CNKSR3: variants seen among roughly 807,000 people sequenced by gnomAD.
The protein encoded by CNKSR3 is CNKSR family member 3.
Under a neutral mutation model 67.7 loss-of-function variants are expected in CNKSR3, and 36 were observed. That is an observed-to-expected ratio of 0.53 (90% confidence interval 0.41 to 0.70). The LOEUF (loss-of-function observed/expected upper bound fraction) is 0.70. Ranked by LOEUF, CNKSR3 falls within the 30% of genes least tolerant of loss-of-function variation. The pLI, the probability that CNKSR3 is intolerant of heterozygous loss-of-function variation, is 0.00. For synonymous variants in CNKSR3, 281 were observed against 271.4 expected (o/e 1.04, Z -0.35); for missense variants, 630 against 695.2 (o/e 0.91, Z 1.05).
chr6:154,493,713 T>C (rs2114651714), intron 1 of CNKSR3, among the ~76,000 whole-genome samples: 1 of 152,144 alleles, frequency 6.6e-6, no homozygotes, highest in East Asian at 1.9e-4. Flanking sequence ...AAACTGACAA[T>C]CATGTCGGAA....
chr6:154,429,709 C>T (rs1785325832), intron 6 of CNKSR3, among the ~76,000 whole-genome samples: 1 of 152,090 alleles, frequency 6.6e-6, no homozygotes, highest in Non-Finnish European at 1.5e-5. Flanking sequence ...TACTTTCCCC[C>T]TCCCCCGTCT....
At chr6:154,474,875 G>A (rs1022630597) in intron 1 of CNKSR3, among the ~76,000 whole-genome samples, 2 of 152,224 alleles carry the variant, frequency 1.3e-5, no homozygotes, top group Non-Finnish European at 2.9e-5. Context: ...CTTTCCTCCT[G>A]TGCCTGCTGA....
intron 1 of CNKSR3, among the ~76,000 whole-genome samples, chr6:154,456,392 C>A (rs1471521211): frequency 6.6e-6 from 1 of 151,646 alleles, no homozygotes; most frequent in Non-Finnish European, 1.5e-5. Flanking sequence ...TCACTCAAGA[C>A]TTTTAAGAAT....
intron 1 of CNKSR3, among the ~76,000 whole-genome samples, chr6:154,507,508 C>T (rs979360345): frequency 6.6e-6 from 1 of 152,140 alleles, no homozygotes; most frequent in Non-Finnish European, 1.5e-5. Context: ...AGCAGACGAG[C>T]TTTTGTAAGT....
At chr6:154,460,910 G>A (rs533079766) in intron 1 of CNKSR3, among the ~76,000 whole-genome samples, 7 of 152,138 alleles carry the variant, frequency 4.6e-5, no homozygotes, top group Non-Finnish European at 1.0e-4. Context: ...CAAGTTGGGC[G>A]AGTTCTACCG....
intron 1 of CNKSR3, among the ~76,000 whole-genome samples, chr6:154,503,964 T>G (rs986136668): frequency 6.6e-6 from 1 of 152,308 alleles, no homozygotes; most frequent in South Asian, 2.1e-4. Context: ...CTTCTCTAAT[T>G]GTGATGGGTG....
At chr6:154,419,016 T>C (rs1785079717) in intron 9 of CNKSR3, among the ~76,000 whole-genome samples, 1 of 148,786 alleles carries the variant, frequency 6.7e-6, no homozygotes, top group Admixed American at 6.7e-5. Context: ...GGACCTGAAT[T>C]GACATTACTC....
intron 1 of CNKSR3, among the ~76,000 whole-genome samples, chr6:154,505,275 T>C (rs1016550212): frequency 1.9e-5 from 2 of 108,102 alleles, no homozygotes; most frequent in Non-Finnish European, 4.1e-5. Context: ...GTCAAGCACC[T>C]TAAGACTGCT....
chr6:154,497,264 G>A (rs1235703052), intron 1 of CNKSR3, among the ~76,000 whole-genome samples: 1 of 151,862 alleles, frequency 6.6e-6, no homozygotes, highest in Non-Finnish European at 1.5e-5. Flanking sequence ...GGTGATGCAT[G>A]CCTGTGGTTC....
intron 1 of CNKSR3, among the ~76,000 whole-genome samples, chr6:154,508,568 G>A (rs572728682): frequency 5.0e-4 from 76 of 152,314 alleles, no homozygotes; most frequent in African/African-American, 1.6e-3. Context: ...GAATTTGGCA[G>A]CATCTTGAAT....
intron 9 of CNKSR3, among the ~76,000 whole-genome samples, chr6:154,415,227 CATTTTT>C (rs1784998441): frequency 8.9e-6 from 1 of 112,768 alleles, no homozygotes; most frequent in Non-Finnish European, 1.7e-5. Context: ...ACTAGCTGCC[CATTTTT>C]TTTTTTTTTT....
At chr6:154,455,468 T>C (rs1785933204) in intron 1 of CNKSR3, among the ~76,000 whole-genome samples, 1 of 151,736 alleles carries the variant, frequency 6.6e-6, no homozygotes, top group East Asian at 1.9e-4. Context: ...ACAGAAGTCA[T>C]CTGCTTTTAT....
intron 1 of CNKSR3, among the ~76,000 whole-genome samples, chr6:154,477,666 G>A (rs1582892127): frequency 1.3e-5 from 2 of 152,274 alleles, no homozygotes; most frequent in South Asian, 4.1e-4. Context: ...CTGATGGAAT[G>A]ACATTGATAC....
intron 4 of CNKSR3, chr6:154,433,727 G>A: frequency 2.2e-6 from 1 of 453,286 alleles, no homozygotes; most frequent in Non-Finnish European, 3.9e-6. Context: ...CTGACCTAAG[G>A]AGTTCTCATC....
At chr6:154,433,538 A>C in intron 4 of CNKSR3, 31 bp from the exon 5 acceptor site, 1 of 1,534,284 alleles carries the variant, frequency 6.5e-7, no homozygotes, top group South Asian at 1.2e-5. Context: ...AATGAATACT[A>C]AGTACAAGAG....
intron 5 of CNKSR3, among the ~76,000 whole-genome samples, chr6:154,431,313 G>A (rs751653136): frequency 2.8e-4 from 43 of 151,830 alleles, no homozygotes; most frequent in South Asian, 8.3e-4. Flanking sequence ...GCATGGTGGC[G>A]TGTGCCTGTA....
chr6:154,440,653 T>A (rs1785562398), intron 4 of CNKSR3, among the ~76,000 whole-genome samples: 1 of 152,204 alleles, frequency 6.6e-6, no homozygotes, highest in Non-Finnish European at 1.5e-5. Context: ...AGAACATCAG[T>A]CAGTGTGAGG....
At chr6:154,408,884 A>G (rs1784854708) in intron 12 of CNKSR3, among the ~76,000 whole-genome samples, 1 of 152,214 alleles carries the variant, frequency 6.6e-6, no homozygotes, top group African/African-American at 2.4e-5. Context: ...GAGTGGAGGG[A>G]ACAAGTATTT....
At chr6:154,409,810 G>A (rs1341720916) in intron 12 of CNKSR3, among the ~76,000 whole-genome samples, 3 of 151,526 alleles carry the variant, frequency 2.0e-5, no homozygotes. Flanking sequence ...TTGGGAGGCT[G>A]AGGCAGGAAG....
Sources: allele counts gnomAD v4.1 joint callset (sites outside exome capture counted in the v4.1 genomes callset), GRCh38; gene constraint gnomAD v4.1.1; transcripts MANE v1.5; gene names NCBI Gene and HGNC (gene_info 2026-07-23, HGNC 2026-07-21).